Variants in VPS50 observed in about 807,000 individuals in gnomAD.
VPS50 encodes the protein VPS50 subunit of EARP/GARPII complex.
In VPS50, 70 loss-of-function variants were observed where a neutral mutation model predicts 139.7. The observed-to-expected ratio is 0.50, with a 90% confidence interval of 0.41 to 0.61. The LOEUF is 0.61. Ranked by LOEUF, VPS50 falls within the 20% of genes least tolerant of loss-of-function variation. VPS50 has a pLI of 0.00. For synonymous variants in VPS50, 365 were observed against 376.7 expected, an observed-to-expected ratio of 0.97 and a Z score of 0.36; for missense variants, 921 against 1,133.7, an observed-to-expected ratio of 0.81 and a Z score of 2.69.
chr7:93,335,112 T>TC (rs1390572674), intron 22 of VPS50, among the ~76,000 whole-genome samples: 1 of 152,208 alleles, frequency 6.6e-6, no homozygotes, highest in African/African-American at 2.4e-5. Flanking sequence ...AGCTGGGAAT[T>TC]CATCAGTGCA....
At chr7:93,273,798 A>G (rs1403645853) in intron 11 of VPS50, among the ~76,000 whole-genome samples, 1 of 152,106 alleles carries the variant, frequency 6.6e-6, no homozygotes, top group African/African-American at 2.4e-5. Flanking sequence ...TTAAAGGTTT[A>G]TGACAAACCT....
intron 1 of VPS50, among the ~76,000 whole-genome samples, 172 bp from the exon 2 acceptor site, chr7:93,239,694 T>C (rs1794921086): frequency 6.6e-6 from 1 of 152,190 alleles, no homozygotes; most frequent in Admixed American, 6.5e-5. Flanking sequence ...TCTGATTTAA[T>C]AATAGTACTA....
chr7:93,355,973 AAACT>A lies in VPS50; in HGVS notation c.2672_2675del (p.Leu891GlnfsTer12). On this transcript the variant is annotated frameshift_variant, in exon 27 of 28. Transcript: ENST00000305866. LOFTEE classifies it high-confidence loss of function. Reference sequence around the variant, plus strand: ...TCAACAGTTTTTAATGAAACTTGAAAAACTAACAGATATTAGACCCATTCCTGAT... The same window carrying A: ...TCAACAGTTTTTAATGAAACTTGAAAAACAGATATTAGACCCATTCCTGAT... The A allele has an allele frequency of 2.5e-6, 4 of 1,601,026 alleles. No homozygotes were observed. The highest frequency in any genetic ancestry group is 3.4e-6 in the Non-Finnish European group (4 of 1,169,578).
intron 14 of VPS50, among the ~76,000 whole-genome samples, chr7:93,296,161 T>C (rs1796803771): frequency 1.3e-5 from 2 of 152,244 alleles, no homozygotes; most frequent in African/African-American, 4.8e-5. Flanking sequence ...GTATTCGATA[T>C]GCTATTTGAT....
intron 23 of VPS50, among the ~76,000 whole-genome samples, chr7:93,344,686 A>G (rs769477883): frequency 6.6e-6 from 1 of 151,674 alleles, no homozygotes; most frequent in Non-Finnish European, 1.5e-5. Context: ...CTCACTCAAA[A>G]CCGCTCAACT....
At chr7:93,283,503 T>C (rs1217235540) in intron 12 of VPS50, among the ~76,000 whole-genome samples, 1 of 152,200 alleles carries the variant, frequency 6.6e-6, no homozygotes, top group Non-Finnish European at 1.5e-5. Context: ...CCCAAAGTGC[T>C]GGGATTATAG....
intron 1 of VPS50, among the ~76,000 whole-genome samples, chr7:93,233,169 G>A (rs1794689482): frequency 6.6e-6 from 1 of 152,012 alleles, no homozygotes; most frequent in African/African-American, 2.4e-5. Flanking sequence ...TGGCTATTTT[G>A]TAACCTGTCT....
intron 22 of VPS50, among the ~76,000 whole-genome samples, chr7:93,340,354 T>A (rs1256333028): frequency 6.6e-6 from 1 of 152,256 alleles, no homozygotes; most frequent in Non-Finnish European, 1.5e-5. Context: ...GCTGGCAGTC[T>A]TCTGGTACTC....
At chr7:93,300,962 C>A (rs756184476) in intron 16 of VPS50, among the ~76,000 whole-genome samples, 18 of 151,874 alleles carry the variant, frequency 1.2e-4, no homozygotes, top group African/African-American at 1.9e-4. Context: ...AATGGAAAAA[C>A]AGTTCTATCA....
intron 14 of VPS50, among the ~76,000 whole-genome samples, chr7:93,295,942 T>C (rs1343436856): frequency 1.3e-5 from 2 of 152,126 alleles, no homozygotes; most frequent in Non-Finnish European, 2.9e-5. Flanking sequence ...CCCAGACTGG[T>C]CTTGAACTCC....
At position 93,252,675 on chromosome 7, in the gene VPS50, A is replaced by G; in HGVS notation, c.125A>G (p.Glu42Gly). The G allele has an allele frequency of 6.2e-7, 1 of 1,601,910 alleles. No individual in the cohort carries two copies. Among genetic ancestry groups the G allele is most frequent in the Non-Finnish European group, 8.5e-7 (1 of 1,172,726 alleles). ...PGKEEFRELREQPSDPQAEQE... is the reference protein window; with the variant it reads ...PGKEEFRELRGQPSDPQAEQE... ...AAGGAAGAATTCAGGGAACTTCGAGAACAGCCAAGTGACCCTCAAGCTGAA... is the reference window on the plus strand; with the variant it reads ...AAGGAAGAATTCAGGGAACTTCGAGGACAGCCAAGTGACCCTCAAGCTGAA... Residue 42 changes from glutamate (E) to glycine (G), a missense_variant, in exon 3 of 28, where the codon GAA becomes GGA. Physicochemically the swap from Glu to Gly is moderately conservative, Grantham distance 98. Coordinates refer to ENST00000305866, the MANE Select transcript of VPS50 (RefSeq NM_017667.4).
chr7:93,271,303 T>C, intron 10 of VPS50, 41 bp downstream of exon 10: 2 of 1,500,222 alleles, frequency 1.3e-6, no homozygotes, highest in Non-Finnish European at 1.8e-6. Flanking sequence ...GTTTTTCTTT[T>C]CAGAAGTTTT....
At position 93,341,500 on chromosome 7, in the gene VPS50, T is replaced by G; in HGVS notation, c.2132T>G (p.Leu711Arg). Residue 711 changes from leucine (L) to arginine (R), a missense_variant, in exon 23 of 28, where the codon CTC becomes CGC. Physicochemically the swap from Leu to Arg is moderately radical, Grantham distance 102. Around this residue, in one of 3 missense-constraint regions of VPS50, gnomAD observed 744 missense variants for 930.6 expected, o/e 0.80. Transcript: ENST00000305866. ...AAGGAGAAGGTGCCAAGTCCACACCTCAGTCACCTAGTGGTTTTGACATCT... is the reference window on the plus strand; with the variant it reads ...AAGGAGAAGGTGCCAAGTCCACACCGCAGTCACCTAGTGGTTTTGACATCT... The part of the protein sequence containing the change: ...ERKEKVPSPH[L>R]SHLVVLTSGD... 6.2e-7 allele frequency: 1 copy of G among 1,610,836 alleles called. No individual in the cohort carries two copies. The highest frequency in any genetic ancestry group is 8.5e-7 in the Non-Finnish European group (1 of 1,177,248).
chr7:93,262,108 T>C (rs1795703170), intron 9 of VPS50, among the ~76,000 whole-genome samples: 1 of 152,078 alleles, frequency 6.6e-6, no homozygotes, highest in African/African-American at 2.4e-5. Flanking sequence ...AGCATAATAA[T>C]ATACTAAGGC....
At position 93,360,674 on chromosome 7, in the gene VPS50, G is replaced by T. The variant is rs1227436954; in HGVS notation, c.*2238G>T. The T allele has an allele frequency of 6.6e-6, 1 of 151,970 alleles. No individual in the cohort carries two copies. The highest frequency in any genetic ancestry group is 1.5e-5 in the Non-Finnish European group (1 of 67,964). 9.4% of individuals were successfully genotyped at this position (151,970 alleles called of 1,614,324 possible). A position where few individuals can be genotyped will look rare whatever the true frequency, so the allele number is the denominator to read the frequency against. ...TCATTACCAAAAATTTATTATTTTT[G>T]AGTCTAAACTTTCCTTAACTTTGAC... On this transcript the variant is annotated 3_prime_UTR_variant, in exon 28 of 28. Transcript: ENST00000305866.
intron 16 of VPS50, 57 bp downstream of exon 16, chr7:93,297,300 C>T: frequency 7.1e-7 from 1 of 1,407,340 alleles, no homozygotes; most frequent in African/African-American, 1.5e-5. Flanking sequence ...ATACTTTTGT[C>T]TAATACTTAA....
At chr7:93,283,288 C>T (rs1562867628) in intron 12 of VPS50, among the ~76,000 whole-genome samples, 1 of 149,658 alleles carries the variant, frequency 6.7e-6, no homozygotes, top group South Asian at 2.1e-4. Context: ...AGTTCAATGG[C>T]GTGATCTTGG....
rs774749846 is a variant in VPS50, at chr7:93,253,911, T to C, written c.277T>C (p.Leu93=). The change falls in exon 4 of 28, where the codon TTG becomes CTG. Residue 93 remains leucine (L), a synonymous_variant. Transcript: ENST00000305866. ...LQELEAYRDK[L]KQQQAAVSKK... is the part of the protein sequence containing the mutation. ...AGAATTAGAGGCGTATAGAGACAAA[T>C]TGAAACAACAGCAAGCTGCAGTAAG... The C allele has an allele frequency of 2.0e-5, 32 of 1,596,736 alleles. No individual in the cohort carries two copies. Among genetic ancestry groups the C allele is most frequent in the Non-Finnish European group, 2.7e-5 (31 of 1,167,944 alleles).
At chr7:93,234,343 C>G (rs911818200) in intron 1 of VPS50, among the ~76,000 whole-genome samples, 1 of 152,030 alleles carries the variant, frequency 6.6e-6, no homozygotes, top group Non-Finnish European at 1.5e-5. Flanking sequence ...AACACTTAAG[C>G]CTTAGTCAGT....
Sources: allele counts gnomAD v4.1 joint callset (sites outside exome capture counted in the v4.1 genomes callset), GRCh38; gene constraint gnomAD v4.1.1; regional missense constraint gnomAD v4.1.1; transcripts MANE v1.5; gene names NCBI Gene and HGNC (gene_info 2026-07-23, HGNC 2026-07-21).